Variants in NR6A1 observed in about 807,000 individuals in gnomAD.
NR6A1 encodes nuclear receptor subfamily 6 group A member 1, also known as retinoic acid receptor-related testis-associated receptor.
Under a neutral mutation model 59.1 loss-of-function variants are expected in NR6A1, and 7 were observed. That is an observed-to-expected ratio of 0.12 (90% CI 0.07 to 0.22). The LOEUF (loss-of-function observed/expected upper bound fraction) is 0.22. Ranked by LOEUF, NR6A1 falls within the 10% of genes least tolerant of loss-of-function variation. The probability of loss-of-function intolerance (pLI) is 1.00; values close to 1 mark genes in which losing one functional copy is unlikely to be tolerated. For synonymous variants in NR6A1, 243 were observed against 236.1 expected (o/e 1.03, Z -0.27); for missense variants, 468 against 611.6 (o/e 0.77, Z 2.48).
At chr9:124,536,228 T>G in intron 6 of NR6A1, 96 bp from the exon 7 acceptor site, 3 of 1,375,052 alleles carry the variant, frequency 2.2e-6, no homozygotes, top group Non-Finnish European at 2.0e-6. Flanking sequence ...AAAGGGACCC[T>G]GGCAATGGGC....
At chr9:124,765,338 G>A (rs562376512) in intron 1 of NR6A1, among the ~76,000 whole-genome samples, 5 of 152,062 alleles carry the variant, frequency 3.3e-5, no homozygotes, top group Non-Finnish European at 5.9e-5. Flanking sequence ...TTTTGAAATC[G>A]TGACTGTCAA....
At chr9:124,641,710 G>A (rs1283394828) in intron 2 of NR6A1, among the ~76,000 whole-genome samples, 1 of 152,224 alleles carries the variant, frequency 6.6e-6, no homozygotes, top group Non-Finnish European at 1.5e-5. Flanking sequence ...GGGGAGAGCT[G>A]TGGGAAATTA....
intron 2 of NR6A1, chr9:124,607,482 T>C (rs1358633616): frequency 6.6e-6 from 1 of 152,018 alleles, no homozygotes; most frequent in East Asian, 1.9e-4. Flanking sequence ...GAAGATAGAA[T>C]AAAAGAGAGG....
Position 124,722,008 on chromosome 9 carries a change from T to G in NR6A1, c.142+11300A>C, listed in dbSNP as rs544892204. 1.8e-4 allele frequency among the ~76,000 whole-genome samples: 28 copies of G among 152,306 alleles called. No individual in the cohort carries two copies. The South Asian group carries it at 5.4e-3, about 29-fold the overall frequency. On this transcript the variant is annotated intron_variant, in intron 2 of 9. Transcript: ENST00000487099. ...AATCTTATGAATGCTTAATAAAAAATGCATGTGAAACATTCTGTGCATAGT... is the reference window on the plus strand; with the variant it reads ...AATCTTATGAATGCTTAATAAAAAAGGCATGTGAAACATTCTGTGCATAGT...
chr9:124,769,806 T>A (rs1051726663), intron 1 of NR6A1, among the ~76,000 whole-genome samples: 1 of 152,216 alleles, frequency 6.6e-6, no homozygotes, highest in Non-Finnish European at 1.5e-5. Context: ...GAGCACCCTT[T>A]GTAATGCAGG....
intron 2 of NR6A1, among the ~76,000 whole-genome samples, chr9:124,605,585 AAAC>A (rs1835555911): frequency 6.6e-6 from 1 of 152,204 alleles, no homozygotes; most frequent in African/African-American, 2.4e-5. Context: ...CTGCCTCAAA[AAAC>A]AAAAACAAAA....
intron 2 of NR6A1, among the ~76,000 whole-genome samples, chr9:124,653,382 A>C (rs922457036): frequency 2.0e-5 from 3 of 151,828 alleles, no homozygotes; most frequent in African/African-American, 7.3e-5. Context: ...TATCAGGTGT[A>C]TGCTGTTATT....
chr9:124,536,151 G>C lies in NR6A1; in HGVS notation c.825-19C>G. 1 of 1,605,708 alleles carries C rather than the reference G, an allele frequency of 6.2e-7. No homozygotes were observed. The highest frequency in any genetic ancestry group is 8.5e-7 in the Non-Finnish European group (1 of 1,174,888). ...AGCGTATCTGAGGGGCAGGGACAGG[G>C]GAAAGTCACTTCCATTGGTCAGAGG... On this transcript the variant is annotated intron_variant, in intron 6 of 9. Coordinates refer to ENST00000487099, the MANE Select transcript of NR6A1 (RefSeq NM_033334.4).
At chr9:124,548,010 T>G (rs1833651707) in intron 3 of NR6A1, among the ~76,000 whole-genome samples, 1 of 151,798 alleles carries the variant, frequency 6.6e-6, no homozygotes, top group Non-Finnish European at 1.5e-5. Flanking sequence ...CTGTGATTGC[T>G]AGAAATAAAA....
intron 1 of NR6A1, among the ~76,000 whole-genome samples, chr9:124,748,358 C>G (rs536045280): frequency 1.3e-5 from 2 of 151,888 alleles, no homozygotes; most frequent in Admixed American, 6.6e-5. Context: ...CTTGAGGAAC[C>G]CTTAAGGGGT....
At chr9:124,729,511 G>T (rs1197706288) in intron 2 of NR6A1, among the ~76,000 whole-genome samples, 1 of 152,180 alleles carries the variant, frequency 6.6e-6, no homozygotes, top group Non-Finnish European at 1.5e-5. Context: ...CTGAGCCCAT[G>T]AGGTCAAGAC....
chr9:124,625,619 T>C (rs924935836), intron 2 of NR6A1, among the ~76,000 whole-genome samples: 1 of 152,160 alleles, frequency 6.6e-6, no homozygotes, highest in Non-Finnish European at 1.5e-5. Flanking sequence ...AGTGTGTTCT[T>C]CATTAATTCT....
rs73585444 is a variant in NR6A1 at position 124,762,135 on chromosome 9, T to C, written c.100+8885A>G. ...TTCATTTAGACCTGGAGTTCTCATA[T>C]ATTTATGCCTGAGTGTTCTTCAGGA... On this transcript the variant is annotated intron_variant, in intron 1 of 9. Transcript: ENST00000487099. Among the ~76,000 whole-genome samples, 459 of 152,352 alleles carry C rather than the reference T, an allele frequency of 3.0e-3. 2 individuals are homozygous for C. The highest frequency in any genetic ancestry group is 0.01 in the African/African-American group (420 of 41,590).
At chr9:124,724,113 G>A (rs1839642981) in intron 2 of NR6A1, among the ~76,000 whole-genome samples, 1 of 152,142 alleles carries the variant, frequency 6.6e-6, no homozygotes, top group African/African-American at 2.4e-5. Flanking sequence ...AAACATTTGT[G>A]AAAATCGTTT....
chr9:124,526,411 C>T (rs1356880520), intron 8 of NR6A1, among the ~76,000 whole-genome samples: 1 of 152,130 alleles, frequency 6.6e-6, no homozygotes, highest in Non-Finnish European at 1.5e-5. Context: ...AGTCACTCTG[C>T]TCTTCTTCAG....
chr9:124,612,643 T>C (rs1370969462), intron 2 of NR6A1, among the ~76,000 whole-genome samples: 1 of 152,146 alleles, frequency 6.6e-6, no homozygotes, highest in Non-Finnish European at 1.5e-5. Flanking sequence ...CAGTTGCAAA[T>C]CACACCAATC....
intron 2 of NR6A1, among the ~76,000 whole-genome samples, chr9:124,725,106 C>T (rs1220188460): frequency 5.3e-5 from 8 of 152,032 alleles, no homozygotes; most frequent in Non-Finnish European, 7.4e-5. Flanking sequence ...ACACGACGGC[C>T]GAGGAAAAAA....
intron 2 of NR6A1, among the ~76,000 whole-genome samples, chr9:124,687,395 C>T (rs910925261): frequency 7.2e-5 from 11 of 151,984 alleles, no homozygotes; most frequent in African/African-American, 2.7e-4. Flanking sequence ...CCTATCTCAG[C>T]TCCCAAAGTG....
chr9:124,622,346 A>C (rs1836101893), intron 2 of NR6A1, among the ~76,000 whole-genome samples: 1 of 152,224 alleles, frequency 6.6e-6, no homozygotes, highest in Non-Finnish European at 1.5e-5. Flanking sequence ...CTGGGTTGAC[A>C]ATGTCGGTGA....
Sources: allele counts gnomAD v4.1 joint callset (sites outside exome capture counted in the v4.1 genomes callset), GRCh38; gene constraint gnomAD v4.1.1; transcripts MANE v1.5; gene names NCBI Gene and HGNC (gene_info 2026-07-23, HGNC 2026-07-21).